Variants in PLEKHG5 observed in about 807,000 individuals in gnomAD.
PLEKHG5 encodes the protein pleckstrin homology domain-containing family G member 5.
In PLEKHG5, 52 loss-of-function variants were observed where a neutral mutation model predicts 103.8. That is an observed-to-expected ratio of 0.50 (90% CI 0.40 to 0.63). The LOEUF (loss-of-function observed/expected upper bound fraction) is 0.63, where lower values mean the gene tolerates loss of function less well. Ranked by LOEUF, PLEKHG5 falls within the 30% of genes least tolerant of loss-of-function variation. The pLI is 0.00. For missense variants in PLEKHG5, 1,205 were observed against 1,347.6 expected, an observed-to-expected ratio of 0.89 and a Z score of 1.66; for synonymous variants, 592 against 575.5, an observed-to-expected ratio of 1.03 and a Z score of -0.41.
chr1:6,490,645 G>T lies in PLEKHG5; in HGVS notation c.-88+992C>A. The T allele has an allele frequency of 1.0e-6, 1 of 978,276 alleles. No individual in the cohort carries two copies. Among genetic ancestry groups the T allele is most frequent in the Non-Finnish European group, 1.2e-6 (1 of 823,500 alleles). 60.6% of individuals were successfully genotyped at this position (978,276 alleles called of 1,614,324 possible). ...CGCTACCACCTGGACCGGCCGGGATGTACCAACGGCGCCGCCCGGCTGGGA... is the reference window on the plus strand; with the variant it reads ...CGCTACCACCTGGACCGGCCGGGATTTACCAACGGCGCCGCCCGGCTGGGA... On this transcript the variant is annotated intron_variant, in intron 1 of 20. Coordinates refer to ENST00000377728, the MANE Select transcript of PLEKHG5 (RefSeq NM_020631.6). The surrounding 1 kb of genome is among the most constrained non-coding windows in gnomAD (Gnocchi z 8.0).
chr1:6,476,403 G>A lies in PLEKHG5; in HGVS notation c.44-367C>T, dbSNP rs149360221. On this transcript the variant is annotated intron_variant, in intron 2 of 20. Coordinates refer to ENST00000377728, the MANE Select transcript of PLEKHG5 (RefSeq NM_020631.6). ...TGACAGGGTTTCAACATGTTGGCCA[G>A]GCTGTTCTCAAACTCCTGACCTGAA... is the stretch of plus-strand genomic sequence containing the variant. 9.7e-3 allele frequency among the ~76,000 whole-genome samples: 1,478 copies of A among 152,182 alleles called. 30 individuals are homozygous for A. The highest frequency in any genetic ancestry group is 0.034 in the African/African-American group (1,402 of 41,516).
rs1211387752 is a variant in PLEKHG5 at position 6,487,039 on chromosome 1, A to G, written c.-88+4598T>C. Among the ~76,000 whole-genome samples, 2 of 152,174 alleles carry G rather than the reference A, an allele frequency of 1.3e-5. No individual in the cohort carries two copies. The highest frequency in any genetic ancestry group is 2.9e-5 in the Non-Finnish European group (2 of 68,034). Reference sequence around the variant, plus strand: ...CAGCAGCGTTTTATTAGAGGCTGGGAGACTTCCAGGGCTGTCTCCACTCCC... The same window carrying G: ...CAGCAGCGTTTTATTAGAGGCTGGGGGACTTCCAGGGCTGTCTCCACTCCC... On this transcript the variant is annotated intron_variant, in intron 1 of 20. Transcript: ENST00000377728. The surrounding 1 kb of genome is among the most constrained non-coding windows in gnomAD (Gnocchi z 4.1).
intron 1 of PLEKHG5, among the ~76,000 whole-genome samples, chr1:6,515,856 A>G (rs1007599323): frequency 6.6e-6 from 1 of 152,180 alleles, no homozygotes; most frequent in Non-Finnish European, 1.5e-5. Flanking sequence ...CAGCAATGTG[A>G]GTGGACAAGA....
chr1:6,467,991 G>A lies in PLEKHG5; in HGVS notation c.2845C>T (p.Pro949Ser). The A allele has an allele frequency of 7.1e-6, 11 of 1,554,972 alleles. No homozygotes were observed. The highest frequency in any genetic ancestry group is 9.6e-6 in the Non-Finnish European group (11 of 1,151,608). The change falls in exon 20 of 21, where the codon CCT (proline) becomes TCT (serine). Residue 949 changes from proline to serine, a missense_variant. Coordinates refer to ENST00000377728, the MANE Select transcript of PLEKHG5 (RefSeq NM_020631.6). Reference protein sequence around the residue: ...PGLVGCLAGEPAGSHRKRCGD... With the variant: ...PGLVGCLAGESAGSHRKRCGD... ...CACCTCTTCCTGTGGGAGCCTGCAG[G>A]TTCCCCGGCCAGGCAGCCGACTAGC...
intron 1 of PLEKHG5, among the ~76,000 whole-genome samples, chr1:6,514,329 C>T (rs1464949915): frequency 1.3e-5 from 2 of 151,810 alleles, no homozygotes; most frequent in Non-Finnish European, 2.9e-5. Context: ...GTGGTATGCG[C>T]CTGTGGTCCC....
At chr1:6,479,261 A>ATTTGG (rs796672709) in intron 1 of PLEKHG5, among the ~76,000 whole-genome samples, 5 of 146,136 alleles carry the variant, frequency 3.4e-5, no homozygotes, top group African/African-American at 1.0e-4. Context: ...CACACGTGGC[A>ATTTGG]TTTGGTTATG....
At chr1:6,493,262 AC>A (rs1645177437), upstream of PLEKHG5, among the ~76,000 whole-genome samples, 1 of 152,206 alleles carries the variant, frequency 6.6e-6, no homozygotes, top group Non-Finnish European at 1.5e-5. Flanking sequence ...TCCTCCCAGC[AC>A]AGCTAGAATG....
At position 6,468,568 on chromosome 1, in the gene PLEKHG5, C is replaced by T. The variant is rs757831916; in HGVS notation, c.2268G>A (p.Thr756=). 1.8e-5 allele frequency: 29 copies of T among 1,612,848 alleles called. No individual in the cohort carries two copies. The highest frequency in any genetic ancestry group is 1.1e-4 in the South Asian group (10 of 91,080). ...CTACCACAACCATGGCCAGGGTCTC[C>T]GTGGAGCCATCTGAGGCACTGTGGG... ...DSQHCASDGS[T]ETLAMVVVEP... Residue 756 remains threonine, a synonymous_variant, in exon 20 of 21, where the codon ACG becomes ACA. Coordinates refer to ENST00000377728, the MANE Select transcript of PLEKHG5 (RefSeq NM_020631.6).
At chr1:6,473,204 GT>G (rs765666709) in intron 8 of PLEKHG5, 30 bp from the exon 9 acceptor site, 2 of 1,612,698 alleles carry the variant, frequency 1.2e-6, no homozygotes, top group South Asian at 2.2e-5. Flanking sequence ...AGGGTCAGGG[GT>G]CATGGCCAGC....
In PLEKHG5 at chr1:6,468,035, C is replaced by G. The variant is rs1404826523; in HGVS notation, c.2801G>C (p.Ser934Thr). The G allele has an allele frequency of 4.5e-6, 7 of 1,556,544 alleles. No individual in the cohort carries two copies. Among genetic ancestry groups the G allele is most frequent in the Non-Finnish European group, 6.1e-6 (7 of 1,152,968 alleles). ...GACTAGCCCAGGACCGCTGCCAGGG[C>G]TAGGGGCCCCTCGGCAATCCCAGCT... ...GPSWDCRGAP[S>T]PGSGPGLVGC... Residue 934 changes from serine to threonine, a missense_variant, in exon 20 of 21, where the codon AGC (serine) becomes ACC (threonine). Physicochemically the swap from Ser to Thr is moderately conservative, Grantham distance 58. Coordinates refer to ENST00000377728, the MANE Select transcript of PLEKHG5 (RefSeq NM_020631.6).
chr1:6,469,344 G>A lies in PLEKHG5; in HGVS notation c.2040C>T (p.Tyr680=), dbSNP rs1644497516. 1.2e-6 allele frequency: 2 copies of A among 1,614,046 alleles called. No individual in the cohort carries two copies. Among genetic ancestry groups the A allele is most frequent in the South Asian group, 2.2e-5 (2 of 91,068 alleles). Residue 680 remains tyrosine, a synonymous_variant, in exon 18 of 21, where the codon TAC becomes TAT. Coordinates refer to ENST00000377728, the MANE Select transcript of PLEKHG5 (RefSeq NM_020631.6). ...ACTACTCTGCACTCACCTGGGCATTGTAAATGGTGTCCACCCAGCCACGGC... is the reference window on the plus strand; with the variant it reads ...ACTACTCTGCACTCACCTGGGCATTATAAATGGTGTCCACCCAGCCACGGC... ...ALCRGWVDTI[Y]NAQNQLQQLR...
chr1:6,492,139 G>A (rs1645159353), upstream of PLEKHG5, among the ~76,000 whole-genome samples: 1 of 152,242 alleles, frequency 6.6e-6, no homozygotes, highest in Non-Finnish European at 1.5e-5. Flanking sequence ...CCGCAGCGGG[G>A]GAGGCGGCCA....
intron 1 of PLEKHG5, among the ~76,000 whole-genome samples, chr1:6,518,035 C>T (rs1041868952): frequency 1.3e-5 from 2 of 152,050 alleles, no homozygotes; most frequent in African/African-American, 4.8e-5. Context: ...CAGGTTCACA[C>T]CATTCTCCTG....
chr1:6,491,257 A>T lies in PLEKHG5; in HGVS notation c.-88+380T>A, dbSNP rs1645146663. ...GGGCCCACTCGAGGAGGTGGAGTTC[A>T]GGTCCACCAACCTGTTCCGCACTTT... is the stretch of plus-strand genomic sequence containing the variant. On this transcript the variant is annotated intron_variant, in intron 1 of 20. Transcript: ENST00000377728. The surrounding 1 kb of genome is among the most constrained non-coding windows in gnomAD (Gnocchi z 4.1). Among the ~76,000 whole-genome samples the T allele has an allele frequency of 6.6e-6, 1 of 152,110 alleles. No individual in the cohort carries two copies. Among genetic ancestry groups the T allele is most frequent in the African/African-American group, 2.4e-5 (1 of 41,422 alleles).
At chr1:6,485,098 G>A (rs371880471) in intron 1 of PLEKHG5, among the ~76,000 whole-genome samples, 1 of 152,134 alleles carries the variant, frequency 6.6e-6, no homozygotes, top group Non-Finnish European at 1.5e-5. Context: ...AAGAATTGGC[G>A]GGGACATCTC....
chr1:6,470,432 C>T (rs1443068858), intron 15 of PLEKHG5, 74 bp downstream of exon 15: 5 of 1,612,054 alleles, frequency 3.1e-6, no homozygotes, highest in African/African-American at 1.3e-5. Context: ...AGTGAGATGC[C>T]CAGCACAGCC....
At position 6,469,458 on chromosome 1, in the gene PLEKHG5, G is replaced by T; in HGVS notation, c.1934-8C>A. On this transcript the variant is annotated splice_region_variant and splice_polypyrimidine_tract_variant and intron_variant, in intron 17 of 20. Coordinates refer to ENST00000377728, the MANE Select transcript of PLEKHG5 (RefSeq NM_020631.6). ...AGATAAGGAGGAAGGACCCTGGTTAGGGAAGGCCCAAGTCAGTGTCAGCAG... is the reference window on the plus strand; with the variant it reads ...AGATAAGGAGGAAGGACCCTGGTTATGGAAGGCCCAAGTCAGTGTCAGCAG... 6.2e-7 allele frequency: 1 copy of T among 1,613,808 alleles called. No individual in the cohort carries two copies. Among genetic ancestry groups the T allele is most frequent in the South Asian group, 1.1e-5 (1 of 91,034 alleles).
chr1:6,481,862 T>TA (rs202091933), intron 1 of PLEKHG5, among the ~76,000 whole-genome samples: 26,539 of 137,122 alleles, frequency 0.19, 3,028 homozygotes, highest in African/African-American at 0.33. Flanking sequence ...GACATTATCT[T>TA]AAAAAAAAAA....
chr1:6,469,696 G>A lies in PLEKHG5; in HGVS notation c.1801-20C>T, dbSNP rs775321229. ...ATCCATCTGCAGTGGCAGGAGGGGG[G>A]GTGGCCAGAGAGGCCAGCAGGGTCA... On this transcript the variant is annotated intron_variant, in intron 16 of 20. Transcript: ENST00000377728. The A allele has an allele frequency of 1.2e-6, 2 of 1,610,326 alleles. No individual in the cohort carries two copies. The highest frequency in any genetic ancestry group is 1.1e-5 in the South Asian group (1 of 91,012).
Sources: allele counts gnomAD v4.1 joint callset (sites outside exome capture counted in the v4.1 genomes callset), GRCh38; gene constraint gnomAD v4.1.1; non-coding constraint Gnocchi (gnomAD v3.1); transcripts MANE v1.5; gene names NCBI Gene and HGNC (gene_info 2026-07-23, HGNC 2026-07-21).